ENTPD4: variants seen among roughly 807,000 people sequenced by gnomAD.
The protein encoded by ENTPD4 is Golgi UDPase.
A neutral mutation model predicts 79.1 loss-of-function variants in ENTPD4; 60 were observed. The ratio of observed to expected loss-of-function variants is 0.76; its 90% CI spans 0.62 to 0.94. The LOEUF (loss-of-function observed/expected upper bound fraction) is 0.94. Among genes scored for constraint, ENTPD4 ranks in the 40% least tolerant of loss-of-function variants. The probability of loss-of-function intolerance (pLI) is 0.00; values close to 1 mark genes in which losing one functional copy is unlikely to be tolerated. For synonymous variants in ENTPD4, 276 were observed against 292.0 expected (o/e 0.95, Z 0.56); for missense variants, 772 against 775.1 (o/e 1.00, Z 0.05).
At chr8:23,449,495 T>G (rs571498435) in intron 2 of ENTPD4, among the ~76,000 whole-genome samples, 31 of 152,302 alleles carry the variant, frequency 2.0e-4, no homozygotes, top group African/African-American at 7.2e-4. Context: ...AAACAGCATT[T>G]TAACAACATC....
At chr8:23,444,642 A>G (rs1218815276) in intron 4 of ENTPD4, 36 bp from the exon 5 acceptor site, 2 of 1,595,560 alleles carry the variant, frequency 1.3e-6, no homozygotes, top group Non-Finnish European at 1.7e-6. Flanking sequence ...AGAAGCAGAT[A>G]TTTTAGCTAT....
chr8:23,451,647 G>C (rs1018155571), intron 1 of ENTPD4, among the ~76,000 whole-genome samples: 2 of 152,108 alleles, frequency 1.3e-5, no homozygotes, highest in African/African-American at 4.8e-5. Flanking sequence ...TGACCTCATC[G>C]TCTGCTCTCT....
In ENTPD4 at chr8:23,439,975, AG is replaced by A. The variant is rs1800639285; in HGVS notation, c.883-61del. On this transcript the variant is annotated intron_variant, in intron 8 of 12. Coordinates refer to ENST00000358689, the MANE Select transcript of ENTPD4 (RefSeq NM_004901.5). ...AAGCTACTTTAGCCTCCTACTAAAA[AG>A]AAAAGTCTAAAAATAGTCTCATCTA... The A allele has an allele frequency of 6.8e-6, 10 of 1,463,888 alleles. 1 individual carries two copies. In the African/African-American group the frequency reaches 8.4e-5, roughly 12 times the overall value. The allele number at this position is 1,463,888 out of a possible 1,614,324, so 90.7% of individuals were successfully genotyped here. A position where few individuals can be genotyped will look rare whatever the true frequency, so the allele number is the denominator to read the frequency against.
Position 23,430,955 on chromosome 8 carries a change from C to T in ENTPD4, c.*1971G>A, listed in dbSNP as rs1027940209. On this transcript the variant is annotated 3_prime_UTR_variant, in exon 13 of 13. Coordinates refer to ENST00000358689, the MANE Select transcript of ENTPD4 (RefSeq NM_004901.5). ...CAACTTTGACCACGAAGCGCAAATA[C>T]GATGCAGGTAAATCCAGAGGCAGAG... The T allele has an allele frequency of 6.1e-5, 60 of 985,274 alleles. No individual in the cohort carries two copies. Among genetic ancestry groups the T allele is most frequent in the Middle Eastern group, 1.0e-3 (2 of 1,936 alleles). 61.0% of individuals were successfully genotyped at this position (985,274 alleles called of 1,614,324 possible).
intron 4 of ENTPD4, 66 bp downstream of exon 4, chr8:23,447,614 T>C: frequency 1.5e-6 from 2 of 1,295,120 alleles, no homozygotes; most frequent in Non-Finnish European, 2.2e-6. Context: ...GGGAACGATA[T>C]GAAAGACGCC....
At chr8:23,449,812 G>A (rs999633958) in intron 2 of ENTPD4, 81 bp downstream of exon 2, 6 of 1,248,234 alleles carry the variant, frequency 4.8e-6, no homozygotes, top group Admixed American at 3.4e-5. Context: ...TTTCACTTGC[G>A]ATTTAGATTT....
In ENTPD4 at chr8:23,441,118, T is replaced by C. The variant is rs1025737511; in HGVS notation, c.882+451A>G. Among the ~76,000 whole-genome samples, 6 of 152,248 alleles carry C rather than the reference T, an allele frequency of 3.9e-5. No individual in the cohort carries two copies. The East Asian group carries it at 7.7e-4, about 20-fold the overall frequency. ...GGGCACAGAACAGGGTGGAGAACAG[T>C]TCGAGTAAACCACCAGTTGAAAGAT... On this transcript the variant is annotated intron_variant, in intron 8 of 12. Coordinates refer to ENST00000358689, the MANE Select transcript of ENTPD4 (RefSeq NM_004901.5).
intron 7 of ENTPD4, 60 bp downstream of exon 7, chr8:23,441,947 G>C (rs1466097138): frequency 4.8e-6 from 7 of 1,448,670 alleles, no homozygotes; most frequent in Non-Finnish European, 5.8e-6. Context: ...TCAGCCTTTG[G>C]ATTAAACAGA....
chr8:23,441,883 T>C (rs1490257242), intron 7 of ENTPD4, 124 bp downstream of exon 7: 2 of 1,123,746 alleles, frequency 1.8e-6, no homozygotes, highest in Admixed American at 3.9e-5. Flanking sequence ...CAACTGCAGC[T>C]GCTCTCATTC....
rs536412869 is a variant in ENTPD4 at position 23,449,988 on chromosome 8, T to C, written c.-88A>G. 5 of 1,537,486 alleles carry C rather than the reference T, an allele frequency of 3.3e-6. No homozygotes were observed. In the Admixed American group the frequency reaches 6.7e-5, roughly 21 times the overall value. ...AATAATGCTGGGGTCCTCACGGAGT[T>C]AGAGCCCTCCTGTTCCAGGAAGTGA... On this transcript the variant is annotated 5_prime_UTR_variant, in exon 2 of 13. An upstream open reading frame in the 5' UTR loses its in-frame stop. Transcript: ENST00000358689.
intron 1 of ENTPD4, among the ~76,000 whole-genome samples, chr8:23,455,104 T>G (rs1800934931): frequency 6.6e-6 from 1 of 152,190 alleles, no homozygotes; most frequent in African/African-American, 2.4e-5. Flanking sequence ...TACAGTCAGG[T>G]GTCAATGTCT....
chr8:23,441,382 T>C, intron 8 of ENTPD4, 187 bp downstream of exon 8: 1 of 984,474 alleles, frequency 1.0e-6, no homozygotes, highest in South Asian at 4.7e-5. Flanking sequence ...CTGATTTCAA[T>C]GAACACACAC....
chr8:23,457,224 T>C (rs529913801), intron 1 of ENTPD4, among the ~76,000 whole-genome samples: 1 of 152,166 alleles, frequency 6.6e-6, no homozygotes, highest in Non-Finnish European at 1.5e-5. Flanking sequence ...GGGTGCAGCA[T>C]CCCTGCTGCC....
chr8:23,437,720 T>A (rs1800597045), intron 9 of ENTPD4, among the ~76,000 whole-genome samples: 1 of 152,242 alleles, frequency 6.6e-6, no homozygotes, highest in Non-Finnish European at 1.5e-5. Flanking sequence ...TGGGTAGGAT[T>A]TTTAAAACTG....
At chr8:23,447,047 A>G (rs1800774737) in intron 4 of ENTPD4, among the ~76,000 whole-genome samples, 2 of 152,214 alleles carry the variant, frequency 1.3e-5, no homozygotes, top group South Asian at 2.1e-4. Context: ...GGTATCTCCC[A>G]TTCTAAATGC....
At chr8:23,441,531 A>G in intron 8 of ENTPD4, 38 bp downstream of exon 8, 7 of 1,604,238 alleles carry the variant, frequency 4.4e-6, no homozygotes, top group Non-Finnish European at 6.0e-6. Flanking sequence ...TTAAATGAAA[A>G]CCAAACCAAA....
chr8:23,447,944 C>G, intron 3 of ENTPD4, 59 bp from the exon 4 acceptor site: 1 of 1,418,878 alleles, frequency 7.0e-7, no homozygotes, highest in Non-Finnish European at 1.0e-6. Context: ...TGAAGTCTAA[C>G]AGAGAAAATG....
chr8:23,447,839 G>T lies in ENTPD4; in HGVS notation c.253C>A (p.Pro85Thr). ...ACCACGATCCCATAGTTCACATTGG[G>T]GTTATTGGTGTCTGTAGCTTCAATG... ...TDIEATDTNN[P>T]NVNYGIVVDC... The change falls in exon 4 of 13, where the codon CCC becomes ACC. Residue 85 changes from proline (P) to threonine (T), a missense_variant. Pro to Thr is a conservative substitution (Grantham distance 38). Coordinates refer to ENST00000358689, the MANE Select transcript of ENTPD4 (RefSeq NM_004901.5). 1 of 1,614,140 alleles carries T rather than the reference G, an allele frequency of 6.2e-7. No homozygotes were observed. Among genetic ancestry groups the T allele is most frequent in the South Asian group, 1.1e-5 (1 of 91,084 alleles).
rs142210988 is a variant in ENTPD4, at chr8:23,436,976, C to T, written c.1332G>A (p.Met444Ile). ...ATTTAGCAGCATTGTAGTCTCCCCC[C>T]ATTCGTAACACATCCTCGGTGCAGT... ...FYYCTEDVLR[M>I]GGDYNAAKFT... Residue 444 changes from methionine to isoleucine, a missense_variant, in exon 10 of 13, where the codon ATG becomes ATA. Met to Ile is a conservative substitution (Grantham distance 10). Transcript: ENST00000358689. 1.9e-6 allele frequency: 3 copies of T among 1,611,404 alleles called. No individual in the cohort carries two copies. The highest frequency in any genetic ancestry group is 2.2e-5 in the South Asian group (2 of 90,736).
Sources: gnomAD v4.1 joint callset for allele counts (sites outside exome capture counted in the v4.1 genomes callset) on GRCh38, gnomAD v4.1.1 for gene constraint, MANE v1.5 for transcripts, NCBI Gene and HGNC (gene_info 2026-07-23, HGNC 2026-07-21) for gene names.